Variants in NSUN6 observed in about 807,000 individuals in gnomAD.
The protein encoded by NSUN6 is NOP2/Sun RNA methyltransferase 6.
NSUN6 carries 64 observed loss-of-function variants against 58.0 expected under a neutral mutation model. The observed-to-expected ratio is 1.10, with a 90% CI of 0.90 to 1.36. The LOEUF (loss-of-function observed/expected upper bound fraction) is 1.36, where lower values mean the gene tolerates loss of function less well. Among genes scored for constraint, NSUN6 ranks in the 40% most tolerant of loss-of-function variants. The probability of loss-of-function intolerance (pLI) is 0.00; values close to 1 mark genes in which losing one functional copy is unlikely to be tolerated. For synonymous variants in NSUN6, 231 were observed against 193.9 expected, an observed-to-expected ratio of 1.19 and a Z score of -1.59; for missense variants, 701 against 550.1, an observed-to-expected ratio of 1.27 and a Z score of -2.74.
intron 3 of NSUN6, among the ~76,000 whole-genome samples, chr10:18,638,545 G>C (rs1180924760): frequency 6.6e-6 from 1 of 152,096 alleles, no homozygotes; most frequent in African/African-American, 2.4e-5. Flanking sequence ...AAATCCCACA[G>C]GTCTCTAAGC....
chr10:18,616,736 T>C (rs7923480), intron 3 of NSUN6, among the ~76,000 whole-genome samples: 33,259 of 152,140 alleles, frequency 0.22, 4,035 homozygotes, highest in South Asian at 0.35. Flanking sequence ...TTTCCTTCCT[T>C]TGCTGCCCAA....
chr10:18,579,745 G>A (rs1244461863), intron 8 of NSUN6, among the ~76,000 whole-genome samples: 1 of 152,154 alleles, frequency 6.6e-6, no homozygotes, highest in Admixed American at 6.5e-5. Flanking sequence ...TCCAGGTTAG[G>A]AGTAGCTAAG....
chr10:18,590,432 C>T (rs1329830175), intron 7 of NSUN6, among the ~76,000 whole-genome samples: 1 of 152,200 alleles, frequency 6.6e-6, no homozygotes, highest in African/African-American at 2.4e-5. Context: ...GAACTCTCTA[C>T]CCCACATCAA....
chr10:18,567,295 T>C (rs1162126475), intron 8 of NSUN6, among the ~76,000 whole-genome samples: 1 of 151,112 alleles, frequency 6.6e-6, no homozygotes, highest in Non-Finnish European at 1.5e-5. Context: ...CCATTTTCTA[T>C]ACCATCCTCC....
In NSUN6 at chr10:18,595,354, C is replaced by G. The variant is rs575185497; in HGVS notation, c.777+854G>C. 9.8e-5 allele frequency among the ~76,000 whole-genome samples: 15 copies of G among 152,328 alleles called. No individual in the cohort carries two copies. In the South Asian group the frequency reaches 3.1e-3, roughly 32 times the overall value. On this transcript the variant is annotated intron_variant, in intron 7 of 10. Transcript: ENST00000377304. ...CATTTTTACTAAGAGAGAACCAAAT[C>G]TCTATGAATAATTACCTTTAAGCAA...
At chr10:18,599,728 T>C (rs903469034) in intron 6 of NSUN6, among the ~76,000 whole-genome samples, 4 of 152,230 alleles carry the variant, frequency 2.6e-5, no homozygotes, top group Admixed American at 2.6e-4. Context: ...ATTTATTGAA[T>C]GCTCCCTAGA....
Position 18,648,524 on chromosome 10 carries a change from T to A in NSUN6, c.197A>T (p.His66Leu). ...RVNTHLASVQ[H>L]VKNLLLDELQ... ...TTCATCAAGTAACAGATTTTTCACA[T>A]GTTGTACTGAGGCTAAATGTGTATT... is the stretch of plus-strand genomic sequence containing the variant. Residue 66 changes from histidine to leucine, a missense_variant, in exon 2 of 11, where the codon CAT (histidine) becomes CTT (leucine). Physicochemically the swap from His to Leu is moderately conservative, Grantham distance 99. Transcript: ENST00000377304. 6.2e-7 allele frequency: 1 copy of A among 1,608,906 alleles called. No individual in the cohort carries two copies. The highest frequency in any genetic ancestry group is 8.5e-7 in the Non-Finnish European group (1 of 1,175,896).
At chr10:18,600,358 C>T (rs530545716) in intron 6 of NSUN6, among the ~76,000 whole-genome samples, 9 of 152,346 alleles carry the variant, frequency 5.9e-5, no homozygotes, top group African/African-American at 2.2e-4. Context: ...GTTGTGGTGG[C>T]TCATGCCTGT....
intron 10 of NSUN6, among the ~76,000 whole-genome samples, chr10:18,546,919 T>A (rs1589801224): frequency 8.9e-5 from 12 of 134,410 alleles, no homozygotes; most frequent in South Asian, 2.4e-4. Flanking sequence ...AGGAAGGGAG[T>A]GGGGACGGGG....
At chr10:18,579,412 C>G (rs2056807674) in intron 8 of NSUN6, among the ~76,000 whole-genome samples, 1 of 151,940 alleles carries the variant, frequency 6.6e-6, no homozygotes, top group Non-Finnish European at 1.5e-5. Context: ...CGTCGTGATC[C>G]ACCCGCCTCA....
chr10:18,566,374 TTCCATTC>T (rs2055945194), intron 8 of NSUN6, among the ~76,000 whole-genome samples: 2 of 150,786 alleles, frequency 1.3e-5, no homozygotes, highest in South Asian at 4.2e-4. Context: ...CCACATTCCA[TTCCATTC>T]TCCATTCCAT....
intron 10 of NSUN6, among the ~76,000 whole-genome samples, chr10:18,546,497 C>A (rs2054271481): frequency 6.6e-6 from 1 of 152,158 alleles, no homozygotes; most frequent in African/African-American, 2.4e-5. Context: ...ACCACATTTC[C>A]TCATCTATTA....
intron 8 of NSUN6, among the ~76,000 whole-genome samples, chr10:18,575,845 G>T (rs955056728): frequency 1.3e-5 from 2 of 152,090 alleles, no homozygotes; most frequent in Non-Finnish European, 2.9e-5. Context: ...TTATATACTT[G>T]GTCTATTTTC....
At chr10:18,625,884 T>C (rs925980405) in intron 3 of NSUN6, among the ~76,000 whole-genome samples, 5 of 152,072 alleles carry the variant, frequency 3.3e-5, no homozygotes, top group Admixed American at 3.3e-4. Context: ...TGGTGGGCCT[T>C]AGATTTCTTC....
intron 8 of NSUN6, among the ~76,000 whole-genome samples, chr10:18,571,908 CTCCATTCCATTCCCCTT>C (rs1437280017): frequency 6.7e-6 from 1 of 150,212 alleles, no homozygotes; most frequent in Non-Finnish European, 1.5e-5. Context: ...CTATTCCTTT[CTCCATTCCATTCCCCTT>C]TCCATTCCAT....
intron 3 of NSUN6, among the ~76,000 whole-genome samples, chr10:18,625,698 G>A (rs1308775835): frequency 8.7e-6 from 1 of 115,244 alleles, no homozygotes; most frequent in East Asian, 3.0e-4. Flanking sequence ...GGGTGACAGA[G>A]TGAGACTATG....
chr10:18,558,634 G>C (rs973749935), intron 8 of NSUN6, among the ~76,000 whole-genome samples: 2 of 151,110 alleles, frequency 1.3e-5, no homozygotes, highest in African/African-American at 4.8e-5. Context: ...GAATGGAATG[G>C]AGAATGGAAT....
At chr10:18,546,358 T>C (rs1353392741) in intron 10 of NSUN6, among the ~76,000 whole-genome samples, 2 of 152,152 alleles carry the variant, frequency 1.3e-5, no homozygotes, top group Admixed American at 6.6e-5. Flanking sequence ...GATGAACAAA[T>C]ACCTATTATT....
intron 3 of NSUN6, among the ~76,000 whole-genome samples, chr10:18,628,128 C>T (rs1353691240): frequency 6.6e-6 from 1 of 152,170 alleles, no homozygotes; most frequent in African/African-American, 2.4e-5. Flanking sequence ...CTGGGAGGCA[C>T]CCCCAAGCAG....
Sources: allele counts gnomAD v4.1 joint callset (sites outside exome capture counted in the v4.1 genomes callset), GRCh38; gene constraint gnomAD v4.1.1; transcripts MANE v1.5; gene names NCBI Gene and HGNC (gene_info 2026-07-23, HGNC 2026-07-21).